ZFHX3: variants seen among roughly 807,000 people sequenced by gnomAD.
The protein encoded by ZFHX3 is zinc finger homeobox protein 3.
Under a neutral mutation model 279.1 loss-of-function variants are expected in ZFHX3, and 42 were observed. The ratio of observed to expected loss-of-function variants is 0.15; its 90% CI spans 0.12 to 0.19. ZFHX3 has a LOEUF of 0.19. Among genes scored for constraint, ZFHX3 ranks in the 10% least tolerant of loss-of-function variants. ZFHX3 has a pLI of 1.00. For synonymous variants in ZFHX3, 2,293 were observed against 1,957.8 expected (o/e 1.17, Z -4.52); for missense variants, 4,981 against 4,754.0 (o/e 1.05, Z -1.40).
upstream of ZFHX3, among the ~76,000 whole-genome samples, chr16:73,059,961 G>A (rs1403319980): frequency 6.6e-6 from 1 of 152,058 alleles, no homozygotes; most frequent in Non-Finnish European, 1.5e-5. Context: ...ACAAGAAAAG[G>A]AAAAGTTGCA....
intron 1 of ZFHX3, among the ~76,000 whole-genome samples, chr16:72,995,313 C>T (rs962729272): frequency 6.6e-6 from 1 of 152,210 alleles, no homozygotes; most frequent in African/African-American, 2.4e-5. Flanking sequence ...CCTCTCCAAT[C>T]TGGGTGCCCT....
At chr16:73,460,330 T>C (rs2018451708) in intron 2 of ZFHX3, among the ~76,000 whole-genome samples, 1 of 152,238 alleles carries the variant, frequency 6.6e-6, no homozygotes, top group Admixed American at 6.5e-5. Context: ...TAGTATTTCA[T>C]GTTATAGATA....
chr16:72,860,802 A>G (rs2037869616), intron 4 of ZFHX3, among the ~76,000 whole-genome samples: 2 of 152,186 alleles, frequency 1.3e-5, no homozygotes, highest in Non-Finnish European at 2.9e-5. Context: ...ACAACACCTC[A>G]GGGAAGGGGT....
intron 2 of ZFHX3, among the ~76,000 whole-genome samples, chr16:73,667,318 G>A (rs1377760690): frequency 1.3e-5 from 2 of 152,176 alleles, no homozygotes; most frequent in Admixed American, 6.5e-5. Flanking sequence ...CCATTCACTA[G>A]TTGAAGGACA....
At chr16:73,349,238 A>C (rs2016178803) in intron 3 of ZFHX3, among the ~76,000 whole-genome samples, 2 of 152,168 alleles carry the variant, frequency 1.3e-5, no homozygotes, top group African/African-American at 4.8e-5. Flanking sequence ...GGAAGGCAAC[A>C]ATCCCCGGGA....
At chr16:73,225,601 T>TA (rs918297612) in intron 5 of ZFHX3, among the ~76,000 whole-genome samples, 2 of 151,608 alleles carry the variant, frequency 1.3e-5, no homozygotes, top group Non-Finnish European at 2.9e-5. Flanking sequence ...AAATAAAAAA[T>TA]AAAAAAATAA....
At chr16:73,770,736 C>A (rs1240707192) in intron 1 of ZFHX3, among the ~76,000 whole-genome samples, 2 of 152,328 alleles carry the variant, frequency 1.3e-5, no homozygotes, top group East Asian at 3.9e-4. Flanking sequence ...TTGTCTTCTG[C>A]ACCCCTCAAA....
intron 2 of ZFHX3, among the ~76,000 whole-genome samples, chr16:73,594,250 C>A (rs2052026913): frequency 6.6e-6 from 1 of 151,868 alleles, no homozygotes; most frequent in Non-Finnish European, 1.5e-5. Context: ...AAAAAGATAT[C>A]ATGTAAAATA....
chr16:73,885,431 G>T (rs1310645652), intron 1 of ZFHX3, among the ~76,000 whole-genome samples: 1 of 152,128 alleles, frequency 6.6e-6, no homozygotes, highest in Non-Finnish European at 1.5e-5. Context: ...TCCCAGCTGT[G>T]CATTATACTT....
At chr16:73,071,126 T>TA (rs60071630) in intron 8 of ZFHX3, among the ~76,000 whole-genome samples, 6,696 of 120,926 alleles carry the variant, frequency 0.055, 470 homozygotes, top group African/African-American at 0.18. Context: ...ATTTCTAAAT[T>TA]AAAAAAAAAA....
At chr16:72,987,442 G>A (rs77773611) in intron 1 of ZFHX3, among the ~76,000 whole-genome samples, 20,628 of 152,018 alleles carry the variant, frequency 0.14, 1,756 homozygotes, top group East Asian at 0.41. Flanking sequence ...CCTGGTCTCC[G>A]TTGCCACTGC....
chr16:73,513,332 A>G (rs2019465287), intron 2 of ZFHX3, among the ~76,000 whole-genome samples: 1 of 152,192 alleles, frequency 6.6e-6, no homozygotes, highest in Non-Finnish European at 1.5e-5. Context: ...TATAATGGAT[A>G]TGGTAGGAAT....
At chr16:73,782,372 T>C (rs1567408975) in intron 1 of ZFHX3, among the ~76,000 whole-genome samples, 1 of 152,204 alleles carries the variant, frequency 6.6e-6, no homozygotes, top group Non-Finnish European at 1.5e-5. Flanking sequence ...CCCAGAAATA[T>C]GTATAACACA....
chr16:73,025,478 C>G (rs944409224), intron 1 of ZFHX3, among the ~76,000 whole-genome samples: 1 of 152,240 alleles, frequency 6.6e-6, no homozygotes, highest in Non-Finnish European at 1.5e-5. Flanking sequence ...GGAGCCCTCA[C>G]GGACTCGATA....
chr16:73,623,229 A>G (rs374109503), intron 2 of ZFHX3, among the ~76,000 whole-genome samples: 7 of 152,064 alleles, frequency 4.6e-5, no homozygotes, highest in Admixed American at 2.6e-4. Flanking sequence ...GTAGAGACGG[A>G]GTTTCACCAT....
At chr16:72,877,369 TTGTTGG>T (rs979776205) in intron 4 of ZFHX3, among the ~76,000 whole-genome samples, 18 of 24,340 alleles carry the variant, frequency 7.4e-4, no homozygotes, top group African/African-American at 3.9e-3. Context: ...TCTGTTGTTG[TTGTTGG>T]TGTTGTTGTT....
chr16:73,101,167 T>C (rs1474486255), intron 7 of ZFHX3, among the ~76,000 whole-genome samples: 2 of 152,190 alleles, frequency 1.3e-5, no homozygotes, highest in Non-Finnish European at 2.9e-5. Flanking sequence ...CTCTCCAACC[T>C]GTTTGTACCA....
chr16:72,899,078 G>T (rs1399276709), intron 3 of ZFHX3, among the ~76,000 whole-genome samples: 1 of 152,182 alleles, frequency 6.6e-6, no homozygotes, highest in African/African-American at 2.4e-5. Flanking sequence ...ATCATATCAG[G>T]AACAGCAACT....
chr16:72,974,602 CAG>C (rs1555536088), intron 1 of ZFHX3, among the ~76,000 whole-genome samples: 1 of 149,656 alleles, frequency 6.7e-6, no homozygotes, highest in Non-Finnish European at 1.5e-5. Flanking sequence ...CACACACACA[CAG>C]CCTCTCACCA....
Sources: gnomAD v4.1 joint callset for allele counts (sites outside exome capture counted in the v4.1 genomes callset) on GRCh38, gnomAD v4.1.1 for gene constraint, MANE v1.5 for transcripts, NCBI Gene and HGNC (gene_info 2026-07-23, HGNC 2026-07-21) for gene names.